The following ADGRL2 variants were observed in gnomAD, a reference collection of about 807,000 sequenced individuals.
The protein encoded by ADGRL2 is calcium-independent alpha-latrotoxin receptor 2.
In ADGRL2, 44 loss-of-function variants were observed where a neutral mutation model predicts 157.4. The observed-to-expected ratio is 0.28, with a 90% confidence interval of 0.22 to 0.36. ADGRL2 has a LOEUF of 0.36. ADGRL2 is among the 10% of genes least tolerant of loss of function. ADGRL2 has a pLI of 1.00. For missense variants in ADGRL2, 1,510 were observed against 1,768.9 expected, an observed-to-expected ratio of 0.85 and a Z score of 2.63; for synonymous variants, 585 against 624.7, an observed-to-expected ratio of 0.94 and a Z score of 0.95.
At chr1:81,786,368 G>A (rs780502872) in intron 2 of ADGRL2, among the ~76,000 whole-genome samples, 2 of 152,174 alleles carry the variant, frequency 1.3e-5, no homozygotes, top group Non-Finnish European at 2.9e-5. Context: ...ACTTGAGGCC[G>A]GGAATTTGAG....
chr1:81,578,171 A>G (rs1387347127), intron 2 of ADGRL2, among the ~76,000 whole-genome samples: 1 of 152,192 alleles, frequency 6.6e-6, no homozygotes, highest in Non-Finnish European at 1.5e-5. Context: ...GGGGAAATTC[A>G]TTGTTAAACG....
intron 3 of ADGRL2, among the ~76,000 whole-genome samples, chr1:81,907,452 A>G (rs554732778): frequency 2.6e-5 from 4 of 152,308 alleles, no homozygotes; most frequent in Admixed American, 1.3e-4. Flanking sequence ...AGAATATGTA[A>G]TACGTATCTT....
intron 1 of ADGRL2, among the ~76,000 whole-genome samples, chr1:81,729,101 T>G (rs2084636940): frequency 6.7e-6 from 1 of 149,478 alleles, no homozygotes; most frequent in Non-Finnish European, 1.5e-5. Context: ...ATATAATATT[T>G]ATTATATTAT....
At chr1:81,591,056 G>A (rs1314243464) in intron 3 of ADGRL2, among the ~76,000 whole-genome samples, 2 of 152,128 alleles carry the variant, frequency 1.3e-5, no homozygotes, top group African/African-American at 4.8e-5. Context: ...TCCCTAGCTG[G>A]GTCATGCTGA....
intron 2 of ADGRL2, among the ~76,000 whole-genome samples, chr1:81,446,850 T>C (rs761502140): frequency 1.4e-4 from 22 of 152,318 alleles, no homozygotes; most frequent in Non-Finnish European, 2.6e-4. Context: ...GGAGATATCA[T>C]TTGTTATATT....
At chr1:81,856,839 G>C (rs576480786) in intron 2 of ADGRL2, among the ~76,000 whole-genome samples, 522 of 152,064 alleles carry the variant, frequency 3.4e-3, no homozygotes, top group Non-Finnish European at 4.7e-3. Context: ...AATATTCCAT[G>C]ATTTATAACA....
chr1:81,544,064 T>G (rs955325665), intron 2 of ADGRL2, among the ~76,000 whole-genome samples: 1 of 152,148 alleles, frequency 6.6e-6, no homozygotes, highest in African/African-American at 2.4e-5. Context: ...CTGTTTCAGA[T>G]GCTAACCTCT....
chr1:81,440,408 T>C (rs1349280225), intron 1 of ADGRL2, among the ~76,000 whole-genome samples: 2 of 152,178 alleles, frequency 1.3e-5, no homozygotes, highest in South Asian at 4.1e-4. Flanking sequence ...TACTTAAAGG[T>C]TGGACATTAT....
At chr1:81,818,676 A>G (rs976378556) in intron 1 of ADGRL2, among the ~76,000 whole-genome samples, 2 of 152,182 alleles carry the variant, frequency 1.3e-5, no homozygotes, top group Non-Finnish European at 2.9e-5. Context: ...CTGTACTGTT[A>G]TGTAAGGACT....
chr1:81,719,559 C>T (rs2084227588), intron 1 of ADGRL2, among the ~76,000 whole-genome samples: 1 of 152,130 alleles, frequency 6.6e-6, no homozygotes, highest in Non-Finnish European at 1.5e-5. Flanking sequence ...AGTTACTTAG[C>T]CAGTTGCTTT....
intron 2 of ADGRL2, among the ~76,000 whole-genome samples, chr1:81,458,125 A>G (rs999721247): frequency 2.0e-5 from 3 of 152,202 alleles, no homozygotes; most frequent in East Asian, 3.9e-4. Context: ...AAATTGACAA[A>G]CTCAGTAGTT....
intron 1 of ADGRL2, among the ~76,000 whole-genome samples, chr1:81,412,227 C>G (rs536902314): frequency 6.6e-6 from 1 of 152,186 alleles, no homozygotes; most frequent in Non-Finnish European, 1.5e-5. Flanking sequence ...CCCAGGAAAT[C>G]TGGTTCCAAA....
intron 3 of ADGRL2, among the ~76,000 whole-genome samples, chr1:81,663,081 A>G (rs2082689217): frequency 9.2e-6 from 1 of 108,132 alleles, no homozygotes; most frequent in Non-Finnish European, 1.9e-5. Flanking sequence ...TCCCCCTAAC[A>G]CTCCTCCCAC....
chr1:81,595,345 A>G (rs2081210495), intron 3 of ADGRL2, among the ~76,000 whole-genome samples: 1 of 152,250 alleles, frequency 6.6e-6, no homozygotes, highest in Non-Finnish European at 1.5e-5. Context: ...ACATGGGAGT[A>G]ATAACATTTA....
chr1:81,486,279 G>A (rs138549708), intron 2 of ADGRL2, among the ~76,000 whole-genome samples: 2 of 152,056 alleles, frequency 1.3e-5, no homozygotes, highest in East Asian at 3.9e-4. Context: ...ATTCCCACTC[G>A]ACTATAAGCT....
At chr1:81,745,088 A>T (rs1250595001) in intron 1 of ADGRL2, among the ~76,000 whole-genome samples, 1 of 152,220 alleles carries the variant, frequency 6.6e-6, no homozygotes, top group African/African-American at 2.4e-5. Context: ...ATCATCTCAG[A>T]AGATGACAAA....
intron 1 of ADGRL2, among the ~76,000 whole-genome samples, chr1:81,335,100 A>G (rs1536569): frequency 0.75 from 113,714 of 152,066 alleles, 43,199 homozygotes; most frequent in African/African-American, 0.84. Context: ...ATCTATGAAA[A>G]AGCCAAAATA....
At chr1:81,703,562 A>T (rs1189174907) in intron 1 of ADGRL2, among the ~76,000 whole-genome samples, 1 of 152,156 alleles carries the variant, frequency 6.6e-6, no homozygotes, top group Non-Finnish European at 1.5e-5. Flanking sequence ...CATTGGTGAG[A>T]TCATCTCCTG....
chr1:81,841,341 T>G (rs901595248), intron 2 of ADGRL2, among the ~76,000 whole-genome samples: 48 of 152,274 alleles, frequency 3.2e-4, no homozygotes, highest in African/African-American at 1.2e-3. Flanking sequence ...TTAAGTTCCC[T>G]AAGTACATTT....
Sources: gnomAD v4.1 joint callset for allele counts (sites outside exome capture counted in the v4.1 genomes callset) on GRCh38, gnomAD v4.1.1 for gene constraint, MANE v1.5 for transcripts, NCBI Gene and HGNC (gene_info 2026-07-23, HGNC 2026-07-21) for gene names.